The following EAF1 variants were observed in gnomAD, a reference collection of about 807,000 sequenced individuals.
The protein encoded by EAF1 is ELL-associated factor 1.
In EAF1, 19 loss-of-function variants were observed where a neutral mutation model predicts 26.6. That is an observed-to-expected ratio of 0.71 (90% CI 0.50 to 1.05). The LOEUF is 1.05. Ranked by LOEUF, EAF1 falls within the 50% of genes least tolerant of loss-of-function variation. EAF1 has a pLI of 0.00. For synonymous variants in EAF1, 102 were observed against 120.6 expected (o/e 0.85, Z 1.01); for missense variants, 260 against 335.5 (o/e 0.78, Z 1.76).
At chr3:15,437,246 C>CT (rs71045159) in intron 5 of EAF1, among the ~76,000 whole-genome samples, 110 of 120,442 alleles carry the variant, frequency 9.1e-4, no homozygotes, top group African/African-American at 1.5e-3. Flanking sequence ...AGTGTGGTGG[C>CT]TTTTTTTTTT....
chr3:15,428,664 A>G (rs980534140), intron 1 of EAF1, among the ~76,000 whole-genome samples: 5 of 152,206 alleles, frequency 3.3e-5, no homozygotes, highest in African/African-American at 7.2e-5. Context: ...ACCTTTTTCT[A>G]CATAATTATA....
At chr3:15,435,804 A>G (rs1199554129) in intron 4 of EAF1, among the ~76,000 whole-genome samples, 1 of 152,162 alleles carries the variant, frequency 6.6e-6, no homozygotes, top group Non-Finnish European at 1.5e-5. Flanking sequence ...TATTTATGGG[A>G]CATGAGAGCT....
Position 15,440,738 on chromosome 3 carries a change from T to C in EAF1, c.*1583T>C, listed in dbSNP as rs918657103. The C allele has an allele frequency of 2.0e-5, 3 of 152,628 alleles. No individual in the cohort carries two copies. Among genetic ancestry groups the C allele is most frequent in the African/African-American group, 7.2e-5 (3 of 41,426 alleles). 9.5% of individuals were successfully genotyped at this position (152,628 alleles called of 1,614,324 possible). On this transcript the variant is annotated 3_prime_UTR_variant, in exon 6 of 6. Coordinates refer to ENST00000396842, the MANE Select transcript of EAF1 (RefSeq NM_033083.7). ...CCTAGTGTAGGTAATAGGTCTACGC[T>C]AGGACCCCGTGCTGGGCTCTCAGCC...
chr3:15,430,267 TG>T (rs2125064198), intron 2 of EAF1, among the ~76,000 whole-genome samples: 1 of 152,086 alleles, frequency 6.6e-6, no homozygotes, highest in South Asian at 2.1e-4. Context: ...AAGACCAGCC[TG>T]GGCAACATGG....
In EAF1 at chr3:15,439,169, G is replaced by A. The variant is rs776073443; in HGVS notation, c.*14G>A. The A allele has an allele frequency of 4.2e-5, 67 of 1,611,572 alleles. No individual in the cohort carries two copies. In the Admixed American group the frequency reaches 7.5e-4, roughly 18 times the overall value. ...AGTGATGACTAGTGCTGGATCTTTC[G>A]AAACCTACTTTTTGGTGCACAAACA... is the stretch of plus-strand genomic sequence containing the variant. On this transcript the variant is annotated 3_prime_UTR_variant, in exon 6 of 6. Coordinates refer to ENST00000396842, the MANE Select transcript of EAF1 (RefSeq NM_033083.7).
chr3:15,432,710 G>A (rs530529340), intron 3 of EAF1, among the ~76,000 whole-genome samples: 10 of 152,042 alleles, frequency 6.6e-5, no homozygotes, highest in Admixed American at 4.6e-4. Flanking sequence ...AATGAAGCCA[G>A]TTAGAGTTTA....
intron 5 of EAF1, chr3:15,438,768 C>T (rs967751950): frequency 3.4e-5 from 6 of 174,494 alleles, no homozygotes; most frequent in South Asian, 1.3e-4. Flanking sequence ...CAAATGATCT[C>T]CCTGCCTTGG....
chr3:15,433,774 C>A (rs755234412), intron 3 of EAF1, among the ~76,000 whole-genome samples: 1 of 152,198 alleles, frequency 6.6e-6, no homozygotes, highest in Non-Finnish European at 1.5e-5. Flanking sequence ...TCAGTAGTGA[C>A]CTACATATAT....
intron 3 of EAF1, chr3:15,433,159 C>G (rs568503359): frequency 6.6e-6 from 1 of 151,596 alleles, no homozygotes; most frequent in Admixed American, 6.7e-5. Flanking sequence ...GCACAGGGGC[C>G]ATGCTAATCT....
chr3:15,429,813 A>G (rs2061792067), intron 1 of EAF1, 100 bp from the exon 2 acceptor site: 5 of 750,718 alleles, frequency 6.7e-6, no homozygotes, highest in African/African-American at 1.8e-5. Flanking sequence ...TTTATTTTCC[A>G]TTCATCTGAG....
chr3:15,434,217 A>T, intron 3 of EAF1, 131 bp from the exon 4 acceptor site: 1 of 975,980 alleles, frequency 1.0e-6, no homozygotes, highest in Non-Finnish European at 1.5e-6. Context: ...CAAAATTACA[A>T]GTATCAGTAT....
rs9820903 is a variant in EAF1 at position 15,438,168 on chromosome 3, G to T, written c.761-941G>T. ...TAGAGATTAGCAATTTGGAAATAAA[G>T]AAAATCACTTTTGCTACAAGTGGTA... On this transcript the variant is annotated intron_variant, in intron 5 of 5. Coordinates refer to ENST00000396842, the MANE Select transcript of EAF1 (RefSeq NM_033083.7). Among the ~76,000 whole-genome samples the T allele has an allele frequency of 1.6e-3, 239 of 152,310 alleles. 1 individual carries two copies. Among genetic ancestry groups the T allele is most frequent in the African/African-American group, 5.5e-3 (227 of 41,586 alleles).
rs535458401 is a variant in EAF1, at chr3:15,435,662, A to G, written c.527-680A>G. Among the ~76,000 whole-genome samples the G allele has an allele frequency of 2.6e-5, 4 of 152,326 alleles. No individual in the cohort carries two copies. In the East Asian group the frequency reaches 7.7e-4, roughly 29 times the overall value. On this transcript the variant is annotated intron_variant, in intron 4 of 5. Coordinates refer to ENST00000396842, the MANE Select transcript of EAF1 (RefSeq NM_033083.7). ...TTCTTGAAATGGTTAGTTAACATTG[A>G]TATTTTATATCTGTAAAAAATGCAG... is the stretch of plus-strand genomic sequence containing the variant.
chr3:15,438,212 T>C (rs530410009), intron 5 of EAF1, among the ~76,000 whole-genome samples: 6 of 152,342 alleles, frequency 3.9e-5, no homozygotes, highest in East Asian at 1.9e-4. Context: ...GGTTCTGTTA[T>C]ATGTATTCCT....
chr3:15,435,943 T>A (rs563459200), intron 4 of EAF1, among the ~76,000 whole-genome samples: 10 of 152,314 alleles, frequency 6.6e-5, no homozygotes, highest in African/African-American at 2.4e-4. Context: ...TCCCAACTCC[T>A]AGTCAAATAT....
In EAF1 at chr3:15,427,730, G is replaced by A. The variant is rs1325008207; in HGVS notation, c.-50G>A. 1 of 1,528,154 alleles carries A rather than the reference G, an allele frequency of 6.5e-7. No individual in the cohort carries two copies. The highest frequency in any genetic ancestry group is 2.0e-5 in the Admixed American group (1 of 50,824). The allele number at this position is 1,528,154 out of a possible 1,614,324, so 94.7% of individuals were successfully genotyped here. On this transcript the variant is annotated 5_prime_UTR_variant, in exon 1 of 6. Coordinates refer to ENST00000396842, the MANE Select transcript of EAF1 (RefSeq NM_033083.7). ...GACGCCAGCGCCAGAAGCTCGGATC[G>A]CGGCTGCACCGGGAGAGCGCCGATC...
At position 15,436,371 on chromosome 3, in the gene EAF1, C is replaced by T; in HGVS notation, c.556C>T (p.Gln186Ter). 6.2e-7 allele frequency: 1 copy of T among 1,612,428 alleles called. No homozygotes were observed. The highest frequency in any genetic ancestry group is 8.5e-7 in the Non-Finnish European group (1 of 1,178,774). The change falls in exon 5 of 6, where the codon CAA (glutamine) becomes TAA (stop). Residue 186 changes from glutamine to a stop codon, truncating the protein, a stop_gained. Coordinates refer to ENST00000396842, the MANE Select transcript of EAF1 (RefSeq NM_033083.7). LOFTEE classifies it high-confidence loss of function. Reference protein sequence around the residue: ...ELRAEVDIIEQMSSSSGSSSS... With the variant: ...ELRAEVDIIE The stretch of plus-strand genomic sequence containing the variant: ...GAGGGCTGAAGTTGACATTATTGAA[C>T]AAATGAGCAGCAGCAGTGGGAGCAG...
intron 3 of EAF1, 25 bp downstream of exon 3, chr3:15,432,248 T>A (rs1265842972): frequency 8.7e-6 from 14 of 1,612,752 alleles, no homozygotes; most frequent in Non-Finnish European, 1.2e-5. Context: ...AGATGCAGGT[T>A]TATATCATGT....
Position 15,439,977 on chromosome 3 carries a change from A to C in EAF1, c.*822A>C, listed in dbSNP as rs1412296309. 6.6e-6 allele frequency: 1 copy of C among 152,216 alleles called. No homozygotes were observed. Among genetic ancestry groups the C allele is most frequent in the Non-Finnish European group, 1.5e-5 (1 of 68,052 alleles). The allele number at this position is 152,216 out of a possible 1,614,324, so 9.4% of individuals were successfully genotyped here. ...CTTGAATTCAGTCCCTAAATACATG[A>C]GGCTGGGTGAGCAGATGAAACCGGT... On this transcript the variant is annotated 3_prime_UTR_variant, in exon 6 of 6. Coordinates refer to ENST00000396842, the MANE Select transcript of EAF1 (RefSeq NM_033083.7).
Sources: gnomAD v4.1 joint callset for allele counts (sites outside exome capture counted in the v4.1 genomes callset) on GRCh38, gnomAD v4.1.1 for gene constraint, MANE v1.5 for transcripts, NCBI Gene and HGNC (gene_info 2026-07-23, HGNC 2026-07-21) for gene names.